The following MYO18B variants were observed in gnomAD, a reference collection of about 807,000 sequenced individuals.
MYO18B encodes the protein myosin XVIIIB, also known as unconventional myosin-XVIIIb.
In MYO18B, 204 loss-of-function variants were observed where a neutral mutation model predicts 273.0. That is an observed-to-expected ratio of 0.75 (90% confidence interval 0.67 to 0.84). MYO18B has a LOEUF of 0.84. Ranked by LOEUF, MYO18B falls within the 40% of genes least tolerant of loss-of-function variation. The pLI is 0.00. For missense variants in MYO18B, 3,212 were observed against 3,287.6 expected, an observed-to-expected ratio of 0.98 and a Z score of 0.56; for synonymous variants, 1,330 against 1,305.7, an observed-to-expected ratio of 1.02 and a Z score of -0.40.
chr22:25,874,515 G>T (rs959654272), intron 23 of MYO18B, 101 bp downstream of exon 23: 4 of 1,411,434 alleles, frequency 2.8e-6, no homozygotes, highest in Non-Finnish European at 3.9e-6. Flanking sequence ...CGGGTCCAAG[G>T]ATCCAACCTG....
the MYO18B span, among the ~76,000 whole-genome samples, chr22:26,054,006 A>G: frequency 8.5e-5 from 13 of 152,164 alleles, no homozygotes; most frequent in African/African-American, 3.1e-4. Flanking sequence ...TCTAGGTAAG[A>G]GATGATAATG....
At chr22:25,770,447 C>A (rs991760992) in intron 5 of MYO18B, among the ~76,000 whole-genome samples, 5 of 152,170 alleles carry the variant, frequency 3.3e-5, no homozygotes, top group African/African-American at 1.2e-4. Flanking sequence ...ATCTCATGAG[C>A]CTACTTTTGT....
chr22:25,856,659 C>G (rs1434621295), intron 21 of MYO18B, among the ~76,000 whole-genome samples: 1 of 152,194 alleles, frequency 6.6e-6, no homozygotes, highest in Non-Finnish European at 1.5e-5. Flanking sequence ...ACAGGACATT[C>G]TCATGTTGGG....
rs769311124 is a variant in MYO18B at position 25,773,754 on chromosome 22, C to T, written c.1869+1244C>T. Among the ~76,000 whole-genome samples the T allele has an allele frequency of 5.3e-5, 8 of 152,216 alleles. No homozygotes were observed. In the East Asian group the frequency reaches 7.7e-4, roughly 15 times the overall value. On this transcript the variant is annotated intron_variant, in intron 7 of 43. Coordinates refer to ENST00000335473, the MANE Select transcript of MYO18B (RefSeq NM_032608.7). ...CTGGGATTACAGGCATGAGCCACTG[C>T]GCCTGGCCGATTTGTATCTATTTTT...
At chr22:25,757,927 A>G (rs773413475) in intron 1 of MYO18B, among the ~76,000 whole-genome samples, 1 of 152,232 alleles carries the variant, frequency 6.6e-6, no homozygotes, top group Non-Finnish European at 1.5e-5. Flanking sequence ...TTTCCCAAAC[A>G]ACTCTCACAC....
chr22:25,940,097 C>T (rs547978021), intron 34 of MYO18B, among the ~76,000 whole-genome samples: 11 of 152,306 alleles, frequency 7.2e-5, no homozygotes, highest in South Asian at 2.1e-4. Context: ...ACTCAATGAA[C>T]GCAAATCATT....
At chr22:25,935,102 C>T (rs989766965) in intron 34 of MYO18B, among the ~76,000 whole-genome samples, 3 of 152,136 alleles carry the variant, frequency 2.0e-5, no homozygotes, top group Non-Finnish European at 4.4e-5. Flanking sequence ...AGTTGCTGGC[C>T]ACCGCATGTA....
rs764279608 is a variant in MYO18B at position 25,903,692 on chromosome 22, G to A, written c.5009G>A (p.Arg1670Gln). 2.0e-5 allele frequency: 32 copies of A among 1,609,402 alleles called. No individual in the cohort carries two copies. Among genetic ancestry groups the A allele is most frequent in the Middle Eastern group, 1.7e-4 (1 of 6,052 alleles). Residue 1670 changes from arginine to glutamine, a missense_variant, in exon 31 of 44, where the codon CGG (arginine) becomes CAG (glutamine). Physicochemically the swap from Arg to Gln is conservative, Grantham distance 43 (BLOSUM62 1). Coordinates refer to ENST00000335473, the MANE Select transcript of MYO18B (RefSeq NM_032608.7). ...QQVEMLQDHK[R>Q]ELLGSPSLGE... is the part of the protein sequence containing the mutation. ...GTGGAGATGCTACAGGACCATAAACGGGAGCTGCTGGGGTCACCCTCTCTG... is the reference window on the plus strand; with the variant it reads ...GTGGAGATGCTACAGGACCATAAACAGGAGCTGCTGGGGTCACCCTCTCTG...
chr22:25,872,803 C>T (rs1438764122), intron 22 of MYO18B, among the ~76,000 whole-genome samples: 1 of 152,112 alleles, frequency 6.6e-6, no homozygotes, highest in Non-Finnish European at 1.5e-5. Flanking sequence ...GTAAGTGCCC[C>T]CTAAATGTTA....
intron 15 of MYO18B, among the ~76,000 whole-genome samples, chr22:25,830,465 A>G (rs6004785): frequency 0.031 from 4,747 of 152,214 alleles, 222 homozygotes; most frequent in East Asian, 0.11. Flanking sequence ...GTTCAGATTC[A>G]GGTGTAGGTT....
Position 25,920,350 on chromosome 22 carries a change from A to G in MYO18B, c.5365-907A>G, listed in dbSNP as rs534150063. Among the ~76,000 whole-genome samples, 88 of 152,284 alleles carry G rather than the reference A, an allele frequency of 5.8e-4. No individual in the cohort carries two copies. In the South Asian group the frequency reaches 0.018, roughly 31 times the overall value. On this transcript the variant is annotated intron_variant, in intron 33 of 43. Coordinates refer to ENST00000335473, the MANE Select transcript of MYO18B (RefSeq NM_032608.7). Reference sequence around the variant, plus strand: ...ACACGTTGTCTTTTAAGTCAGCACTATTTCTAGAGAGGTGACCAGCTGTCG... The same window carrying G: ...ACACGTTGTCTTTTAAGTCAGCACTGTTTCTAGAGAGGTGACCAGCTGTCG...
chr22:26,056,010 A>T, the MYO18B span, among the ~76,000 whole-genome samples: 2 of 148,898 alleles, frequency 1.3e-5, no homozygotes, highest in East Asian at 2.0e-4. Context: ...TTGGATTAAT[A>T]AAAAAAAAAG....
At chr22:25,990,963 C>T (rs531451467) in intron 39 of MYO18B, among the ~76,000 whole-genome samples, 3 of 152,252 alleles carry the variant, frequency 2.0e-5, no homozygotes, top group East Asian at 3.9e-4. Context: ...TTGCCCCATC[C>T]ATAAATATTC....
chr22:25,790,879 T>C (rs1352807160), intron 11 of MYO18B, among the ~76,000 whole-genome samples: 2 of 151,958 alleles, frequency 1.3e-5, no homozygotes, highest in Non-Finnish European at 2.9e-5. Flanking sequence ...AGCCTGGGGG[T>C]CCCATCCCTC....
Position 25,771,356 on chromosome 22 carries a change from C to T in MYO18B, c.1692+372C>T, listed in dbSNP as rs373823182. ...AGCATGTTTCTGTTTTCACTCTGGC[C>T]GCCAGGGAACTCAGAGCCAAATTTG... is the stretch of plus-strand genomic sequence containing the variant. On this transcript the variant is annotated intron_variant, in intron 6 of 43. Transcript: ENST00000335473. Among the ~76,000 whole-genome samples, 227 of 152,260 alleles carry T rather than the reference C, an allele frequency of 1.5e-3. 9 individuals are homozygous for T. The South Asian group carries it at 0.045, about 30-fold the overall frequency.
chr22:25,983,417 T>G (rs780299551), intron 39 of MYO18B: 5 of 152,168 alleles, frequency 3.3e-5, no homozygotes, highest in Non-Finnish European at 7.3e-5. Flanking sequence ...AACTTTTTCC[T>G]CAAAATATGG....
intron 25 of MYO18B, among the ~76,000 whole-genome samples, chr22:25,887,849 G>A (rs574656745): frequency 6.6e-6 from 1 of 152,304 alleles, no homozygotes; most frequent in East Asian, 1.9e-4. Context: ...CAAAATTAAT[G>A]CATCAAATTA....
rs539614518 is a variant in MYO18B at position 25,950,550 on chromosome 22, G to GTGTGTGTGTGTA, written c.5832+101_5832+102insGTGTGTGTGTAT. 43 of 740,482 alleles carry GTGTGTGTGTGTA rather than the reference G, an allele frequency of 5.8e-5. No individual in the cohort carries two copies. The East Asian group carries it at 1.0e-3, about 18-fold the overall frequency. 45.9% of individuals were successfully genotyped at this position (740,482 alleles called of 1,614,324 possible). A position where few individuals can be genotyped will look rare whatever the true frequency, so the allele number is the denominator to read the frequency against. ...TGTGTGTGTGTGTGTGTGTGTGTGT[G>GTGTGTGTGTGTA]TATGAGTTTATTGTTTGTTTATTTG... On this transcript the variant is annotated intron_variant, in intron 37 of 43. Coordinates refer to ENST00000335473, the MANE Select transcript of MYO18B (RefSeq NM_032608.7).
intron 3 of MYO18B, 111 bp downstream of exon 3, chr22:25,763,500 T>C: frequency 7.7e-7 from 1 of 1,292,630 alleles, no homozygotes; most frequent in Non-Finnish European, 1.1e-6. Context: ...CTGTCCTGGT[T>C]TTGAGGAATG....
Sources: allele counts gnomAD v4.1 joint callset (sites outside exome capture counted in the v4.1 genomes callset), GRCh38; gene constraint gnomAD v4.1.1; transcripts MANE v1.5; gene names NCBI Gene and HGNC (gene_info 2026-07-23, HGNC 2026-07-21).